Variants in SLC16A7 observed in about 807,000 individuals in gnomAD.
SLC16A7 encodes monocarboxylate transporter 2.
A neutral mutation model predicts 34.9 loss-of-function variants in SLC16A7; 33 were observed. The observed-to-expected ratio is 0.94, with a 90% CI of 0.72 to 1.26. The LOEUF (loss-of-function observed/expected upper bound fraction) is 1.26, where lower values mean the gene tolerates loss of function less well. Ranked by LOEUF, SLC16A7 falls within the 50% of genes most tolerant of loss-of-function variation. The pLI is 0.00. For missense variants in SLC16A7, 573 were observed against 578.1 expected, an observed-to-expected ratio of 0.99 and a Z score of 0.09; for synonymous variants, 201 against 206.6, an observed-to-expected ratio of 0.97 and a Z score of 0.23.
At chr12:59,775,538 T>TTATA in intron 5 of SLC16A7, 63 bp downstream of exon 5, 1 of 1,169,218 alleles carries the variant, frequency 8.6e-7, no homozygotes, top group South Asian at 1.4e-5. Context: ...AACGGAGACT[T>TTATA]TATATACAGA....
intron 1 of SLC16A7, among the ~76,000 whole-genome samples, chr12:59,600,795 T>C (rs1483248186): frequency 6.6e-6 from 1 of 152,188 alleles, no homozygotes; most frequent in African/African-American, 2.4e-5. Context: ...AATTTCAACA[T>C]ATTCACAAAT....
intron 2 of SLC16A7, among the ~76,000 whole-genome samples, chr12:59,690,313 TGTA>T (rs1871500063): frequency 6.6e-6 from 1 of 151,990 alleles, no homozygotes; most frequent in Non-Finnish European, 1.5e-5. Context: ...AGGCTTCCTA[TGTA>T]AGGGAAGAAA....
At chr12:59,608,448 G>A (rs1241743538) in intron 1 of SLC16A7, among the ~76,000 whole-genome samples, 2 of 152,194 alleles carry the variant, frequency 1.3e-5, no homozygotes, top group Non-Finnish European at 2.9e-5. Context: ...TAAGGGATAT[G>A]ACAAACTAAT....
Position 59,780,506 on chromosome 12 carries a change from C to G in SLC16A7, c.*827C>G, listed in dbSNP as rs1402016357. 6.6e-6 allele frequency: 1 copy of G among 151,986 alleles called. No individual in the cohort carries two copies. Among genetic ancestry groups the G allele is most frequent in the Non-Finnish European group, 1.5e-5 (1 of 67,992 alleles). The allele number at this position is 151,986 out of a possible 1,614,324, so 9.4% of individuals were successfully genotyped here. ...ACCTGGTGCTAGAGAATAGAACCCT[C>G]AAATAATTTTTAGAATTCTTACCTA... is the stretch of plus-strand genomic sequence containing the variant. On this transcript the variant is annotated 3_prime_UTR_variant, in exon 6 of 6. Coordinates refer to ENST00000547379, the MANE Select transcript of SLC16A7 (RefSeq NM_001270623.2).
At chr12:59,745,668 A>T (rs1267171704) in intron 3 of SLC16A7, among the ~76,000 whole-genome samples, 1 of 152,218 alleles carries the variant, frequency 6.6e-6, no homozygotes, top group Non-Finnish European at 1.5e-5. Flanking sequence ...ACACATAAAA[A>T]AGCAGATATT....
intron 3 of SLC16A7, among the ~76,000 whole-genome samples, chr12:59,768,880 G>T (rs1014940942): frequency 6.6e-6 from 1 of 151,990 alleles, no homozygotes; most frequent in African/African-American, 2.4e-5. Context: ...CACACCTGTG[G>T]TCCCAGCTAC....
chr12:59,637,065 A>G (rs1472003120), intron 1 of SLC16A7, among the ~76,000 whole-genome samples: 1 of 152,156 alleles, frequency 6.6e-6, no homozygotes, highest in Non-Finnish European at 1.5e-5. Flanking sequence ...ACCATGTCAC[A>G]TGATTCAAAT....
At chr12:59,736,739 C>G (rs1281415456) in intron 3 of SLC16A7, among the ~76,000 whole-genome samples, 1 of 152,206 alleles carries the variant, frequency 6.6e-6, no homozygotes, top group East Asian at 1.9e-4. Context: ...AGTTCTTCAT[C>G]TCTTTCTAGC....
chr12:59,677,490 A>G (rs1870404034), intron 2 of SLC16A7, among the ~76,000 whole-genome samples: 1 of 152,142 alleles, frequency 6.6e-6, no homozygotes, highest in Admixed American at 6.5e-5. Flanking sequence ...TTTCAGGTCA[A>G]ATATCTGTCT....
intron 3 of SLC16A7, among the ~76,000 whole-genome samples, chr12:59,728,490 A>G (rs1876553087): frequency 6.6e-6 from 1 of 152,208 alleles, no homozygotes; most frequent in Non-Finnish European, 1.5e-5. Flanking sequence ...ACTAACAAAA[A>G]TAGTATTGGA....
intron 3 of SLC16A7, among the ~76,000 whole-genome samples, chr12:59,724,205 T>C (rs556211433): frequency 1.7e-4 from 26 of 152,172 alleles, no homozygotes; most frequent in Non-Finnish European, 3.1e-4. Flanking sequence ...TGTGTGTGTC[T>C]CATTCTACTG....
At chr12:59,684,654 C>CT (rs1374639955) in intron 2 of SLC16A7, among the ~76,000 whole-genome samples, 3 of 151,974 alleles carry the variant, frequency 2.0e-5, no homozygotes, top group Non-Finnish European at 4.4e-5. Flanking sequence ...AGTGTGTAGA[C>CT]TGGGGCAGAG....
chr12:59,698,791 C>T (rs1872582103), intron 2 of SLC16A7, among the ~76,000 whole-genome samples: 1 of 151,588 alleles, frequency 6.6e-6, no homozygotes, highest in African/African-American at 2.4e-5. Context: ...TCTTTATAGG[C>T]CAGAGGAGGA....
intron 1 of SLC16A7, among the ~76,000 whole-genome samples, chr12:59,609,874 G>A (rs530133861): frequency 1.3e-5 from 2 of 152,014 alleles, no homozygotes; most frequent in Admixed American, 1.3e-4. Context: ...TCAGATTTTT[G>A]GAATGAGAAA....
At chr12:59,746,725 G>A (rs1171024662) in intron 3 of SLC16A7, among the ~76,000 whole-genome samples, 1 of 152,150 alleles carries the variant, frequency 6.6e-6, no homozygotes, top group East Asian at 1.9e-4. Context: ...TATTGACAAA[G>A]TAACAGCAAC....
At chr12:59,694,343 A>T (rs1872026338) in intron 2 of SLC16A7, among the ~76,000 whole-genome samples, 1 of 152,010 alleles carries the variant, frequency 6.6e-6, no homozygotes, top group African/African-American at 2.4e-5. Context: ...CTACCTTTTT[A>T]AAAAAACTTT....
chr12:59,764,636 T>G (rs1033915171), intron 3 of SLC16A7, among the ~76,000 whole-genome samples: 49 of 152,274 alleles, frequency 3.2e-4, no homozygotes, highest in Admixed American at 3.9e-4. Context: ...TCCAGCTTCA[T>G]CCATGTCCCT....
chr12:59,608,262 C>G (rs559780832), intron 1 of SLC16A7, among the ~76,000 whole-genome samples: 6 of 152,260 alleles, frequency 3.9e-5, no homozygotes, highest in African/African-American at 1.4e-4. Context: ...CCATATAGGT[C>G]CTCATTACCC....
intron 2 of SLC16A7, among the ~76,000 whole-genome samples, chr12:59,701,268 T>A (rs1047707414): frequency 6.6e-6 from 1 of 151,706 alleles, no homozygotes; most frequent in Non-Finnish European, 1.5e-5. Context: ...TATTAACCTG[T>A]TTTTACAGAT....
Sources: gnomAD v4.1 joint callset for allele counts (sites outside exome capture counted in the v4.1 genomes callset) on GRCh38, gnomAD v4.1.1 for gene constraint, MANE v1.5 for transcripts, NCBI Gene and HGNC (gene_info 2026-07-23, HGNC 2026-07-21) for gene names.